The following MRPS28 variants were observed in gnomAD, a reference collection of about 807,000 sequenced individuals.
The protein encoded by MRPS28 is mitochondrial ribosomal protein S28.
MRPS28 carries 7 observed loss-of-function variants against 10.8 expected under a neutral mutation model. That is an observed-to-expected ratio of 0.65 (90% CI 0.37 to 1.22). MRPS28 has a LOEUF of 1.22. Ranked by LOEUF, MRPS28 falls within the 50% of genes most tolerant of loss-of-function variation. The probability of loss-of-function intolerance (pLI) is 0.02; values close to 1 mark genes in which losing one functional copy is unlikely to be tolerated. For synonymous variants in MRPS28, 121 were observed against 93.3 expected (o/e 1.30, Z -1.71); for missense variants, 265 against 232.9 (o/e 1.14, Z -0.90).
chr8:79,966,781 C>T (rs1807513364), intron 2 of MRPS28, among the ~76,000 whole-genome samples: 1 of 152,106 alleles, frequency 6.6e-6, no homozygotes, highest in South Asian at 2.1e-4. Flanking sequence ...TAGCACAGTT[C>T]ATAATCATGT....
chr8:79,946,892 A>G (rs1238421234), intron 2 of MRPS28, among the ~76,000 whole-genome samples: 3 of 152,206 alleles, frequency 2.0e-5, no homozygotes, highest in Non-Finnish European at 4.4e-5. Context: ...TAGACAAAAA[A>G]GAAAATCAGT....
rs550493404 is a variant in MRPS28 at position 80,029,934 on chromosome 8, T to C, written c.213+102A>G. The C allele has an allele frequency of 9.4e-4, 1,444 of 1,536,422 alleles. 3 individuals carry two copies. The highest frequency in any genetic ancestry group is 8.3e-4 in the Non-Finnish European group (947 of 1,145,244). ...ACTCCGGAAAACTGGGCCCCGGACC[T>C]CAGCTCCCCTTCCTAAGCCAGGCTC... On this transcript the variant is annotated intron_variant, in intron 1 of 2. Transcript: ENST00000276585.
chr8:79,942,579 T>G (rs1806797782), intron 2 of MRPS28, among the ~76,000 whole-genome samples: 1 of 152,142 alleles, frequency 6.6e-6, no homozygotes, highest in Non-Finnish European at 1.5e-5. Context: ...AGCTGAGAAG[T>G]CCAATTCTAG....
chr8:80,003,324 C>G, intron 1 of MRPS28, 144 bp from the exon 2 acceptor site: 1 of 594,140 alleles, frequency 1.7e-6, no homozygotes, highest in East Asian at 3.0e-5. Flanking sequence ...CAGTTATGCT[C>G]TTCAACTTCC....
intron 2 of MRPS28, among the ~76,000 whole-genome samples, chr8:79,993,629 T>C (rs1185919873): frequency 2.6e-5 from 4 of 152,218 alleles, no homozygotes; most frequent in African/African-American, 4.8e-5. Flanking sequence ...AAGCTAAATA[T>C]AACGGATGCT....
intron 2 of MRPS28, among the ~76,000 whole-genome samples, chr8:79,996,685 A>C (rs558808717): frequency 9.0e-4 from 137 of 152,324 alleles, no homozygotes; most frequent in African/African-American, 3.1e-3. Context: ...CCACAGCAAC[A>C]ATGGACACCA....
chr8:79,935,527 A>C (rs1806585956), intron 2 of MRPS28, among the ~76,000 whole-genome samples: 1 of 152,198 alleles, frequency 6.6e-6, no homozygotes, highest in African/African-American at 2.4e-5. Context: ...AAAACACAGT[A>C]AAGTTTATTT....
Position 80,028,530 on chromosome 8 carries a change from T to C in MRPS28, c.213+1506A>G, listed in dbSNP as rs1032965745. 2.6e-5 allele frequency among the ~76,000 whole-genome samples: 4 copies of C among 151,954 alleles called. No homozygotes were observed. In the South Asian group the frequency reaches 8.3e-4, roughly 32 times the overall value. On this transcript the variant is annotated intron_variant, in intron 1 of 2. Transcript: ENST00000276585. Reference sequence around the variant, plus strand: ...TCTAGAATTTGTGAATATGTTACCTTCCGTGGCAAAGGAGAATTAACTTTG... The same window carrying C: ...TCTAGAATTTGTGAATATGTTACCTCCCGTGGCAAAGGAGAATTAACTTTG...
intron 1 of MRPS28, among the ~76,000 whole-genome samples, chr8:80,020,688 A>G (rs1809334040): frequency 6.6e-6 from 1 of 152,208 alleles, no homozygotes; most frequent in Non-Finnish European, 1.5e-5. Context: ...CCAGAAGGGA[A>G]GCAGTGTTAT....
At chr8:79,926,798 G>A (rs952604567) in intron 2 of MRPS28, among the ~76,000 whole-genome samples, 1 of 152,178 alleles carries the variant, frequency 6.6e-6, no homozygotes, top group African/African-American at 2.4e-5. Context: ...CAGAATATCT[G>A]TGGAATATTT....
chr8:79,991,909 G>GCCCTCT (rs1808372490), intron 2 of MRPS28, among the ~76,000 whole-genome samples: 1 of 133,008 alleles, frequency 7.5e-6, no homozygotes, highest in African/African-American at 3.1e-5. Context: ...CTTCCTCCTT[G>GCCCTCT]CTCTCTCTCT....
chr8:79,999,673 A>G (rs950045741), intron 2 of MRPS28, among the ~76,000 whole-genome samples: 1 of 152,212 alleles, frequency 6.6e-6, no homozygotes, highest in Non-Finnish European at 1.5e-5. Context: ...AAAGAGCTGG[A>G]GTTGTTATCT....
chr8:79,962,205 G>A (rs1440037405), intron 2 of MRPS28, among the ~76,000 whole-genome samples: 5 of 151,894 alleles, frequency 3.3e-5, no homozygotes, highest in African/African-American at 7.3e-5. Flanking sequence ...TATATTATTC[G>A]TCGTTGTATT....
At chr8:80,024,183 T>G (rs1304525526) in intron 1 of MRPS28, among the ~76,000 whole-genome samples, 5 of 151,670 alleles carry the variant, frequency 3.3e-5, no homozygotes, top group Non-Finnish European at 4.4e-5. Context: ...GAGCCAAGTT[T>G]GCACCACTGC....
At position 79,955,538 on chromosome 8, in the gene MRPS28, G is replaced by C. The variant is rs144993343; in HGVS notation, c.396-36390C>G. The stretch of plus-strand genomic sequence containing the variant: ...AATAACATTAAAGCCTGTGCTGACA[G>C]TTTCCTCAATACCCTTTAGGCCTCC... On this transcript the variant is annotated intron_variant, in intron 2 of 2. Transcript: ENST00000276585. Among the ~76,000 whole-genome samples, 543 of 152,178 alleles carry C rather than the reference G, an allele frequency of 3.6e-3. 1 individual carries two copies. The highest frequency in any genetic ancestry group is 0.013 in the African/African-American group (525 of 41,530).
At chr8:79,981,144 TGTG>T (rs1317733923) in intron 2 of MRPS28, among the ~76,000 whole-genome samples, 1 of 151,970 alleles carries the variant, frequency 6.6e-6, no homozygotes. Flanking sequence ...GCCTGGGCAA[TGTG>T]GTGAAACTCT....
At chr8:79,960,670 CAGA>C (rs1478042728) in intron 2 of MRPS28, among the ~76,000 whole-genome samples, 2 of 151,984 alleles carry the variant, frequency 1.3e-5, no homozygotes, top group African/African-American at 4.8e-5. Flanking sequence ...AAGAAAAGTG[CAGA>C]AGAATTCTAC....
chr8:79,994,275 C>T (rs1808440893), intron 2 of MRPS28, among the ~76,000 whole-genome samples: 1 of 152,054 alleles, frequency 6.6e-6, no homozygotes, highest in African/African-American at 2.4e-5. Flanking sequence ...CACATATATA[C>T]AATATTATAT....
intron 1 of MRPS28, among the ~76,000 whole-genome samples, chr8:80,019,512 A>AT (rs1809298427): frequency 1.3e-5 from 2 of 151,554 alleles, no homozygotes; most frequent in African/African-American, 4.8e-5. Flanking sequence ...AAGAATATCT[A>AT]CAAAAAACCT....
Sources: allele counts gnomAD v4.1 joint callset (sites outside exome capture counted in the v4.1 genomes callset), GRCh38; gene constraint gnomAD v4.1.1; transcripts MANE v1.5; gene names NCBI Gene and HGNC (gene_info 2026-07-23, HGNC 2026-07-21).